ABTB3: variants seen among roughly 807,000 people sequenced by gnomAD.
ABTB3 encodes ankyrin repeat and BTB domain containing 3.
At chr12:107,532,830 C>CAAACT in the ABTB3 span, among the ~76,000 whole-genome samples, 1 of 152,020 alleles carries the variant, frequency 6.6e-6, no homozygotes, top group African/African-American at 2.4e-5. Context: ...GATTTCTCAG[C>CAAACT]AGAAACCTTA....
the ABTB3 span, among the ~76,000 whole-genome samples, chr12:107,633,414 C>G: frequency 1.1e-4 from 16 of 152,318 alleles, no homozygotes; most frequent in Admixed American, 9.1e-4. Flanking sequence ...CCCTAATGGA[C>G]TAAAGCACTA....
At chr12:107,543,338 CAAAAAAAAAAAA>C in the ABTB3 span, among the ~76,000 whole-genome samples, 1 of 78,074 alleles carries the variant, frequency 1.3e-5, no homozygotes, top group Non-Finnish European at 2.5e-5. Context: ...GACTCCATCT[CAAAAAAAAAAAA>C]AAAAAAAAGG....
At chr12:107,626,146 C>T in the ABTB3 span, among the ~76,000 whole-genome samples, 3 of 152,226 alleles carry the variant, frequency 2.0e-5, no homozygotes, top group African/African-American at 7.2e-5. Flanking sequence ...CTCCTCCAGT[C>T]CCAAACTCCC....
At chr12:107,488,762 A>G in the ABTB3 span, among the ~76,000 whole-genome samples, 2 of 152,132 alleles carry the variant, frequency 1.3e-5, no homozygotes, top group African/African-American at 2.4e-5. Context: ...TTGTGCAACC[A>G]TCACCACCAT....
chr12:107,318,716 C>A, the ABTB3 span: 1 of 511,014 alleles, frequency 2.0e-6, no homozygotes, highest in Non-Finnish European at 3.4e-6. Context: ...TTGCGCCCAG[C>A]TCCGGCCCGG....
chr12:107,589,927 T>C, the ABTB3 span, among the ~76,000 whole-genome samples: 1 of 152,252 alleles, frequency 6.6e-6, no homozygotes, highest in Non-Finnish European at 1.5e-5. Context: ...TTTTTCTTTT[T>C]GAGACGGAGT....
chr12:107,381,685 G>A, the ABTB3 span, among the ~76,000 whole-genome samples: 5 of 152,302 alleles, frequency 3.3e-5, no homozygotes, highest in Non-Finnish European at 5.9e-5. Flanking sequence ...CTAAGGGCAG[G>A]GGGAACCATT....
the ABTB3 span, among the ~76,000 whole-genome samples, chr12:107,508,438 C>CTTTTTTTTTTTTTTGTTTTTTTTTTTTTT: frequency 1.4e-5 from 1 of 69,150 alleles, no homozygotes; most frequent in Non-Finnish European, 2.7e-5. Flanking sequence ...AAGATCATTT[C>CTTTTTTTTTTTTTTGTTTTTTTTTTTTTT]TTTTTTTTTT....
the ABTB3 span, among the ~76,000 whole-genome samples, chr12:107,376,067 C>T: frequency 1.3e-5 from 2 of 152,138 alleles, no homozygotes; most frequent in East Asian, 3.9e-4. Context: ...GTTCCTTCTA[C>T]CAGGATGGTG....
the ABTB3 span, among the ~76,000 whole-genome samples, chr12:107,601,198 T>A: frequency 6.6e-6 from 1 of 152,022 alleles, no homozygotes; most frequent in African/African-American, 2.4e-5. Flanking sequence ...CTTAGAGAGT[T>A]TTTTTCACCT....
At chr12:107,624,947 C>A in the ABTB3 span, among the ~76,000 whole-genome samples, 20 of 152,318 alleles carry the variant, frequency 1.3e-4, no homozygotes, top group East Asian at 3.5e-3. Flanking sequence ...TACATTCCCA[C>A]TGGAAAAGAC....
the ABTB3 span, among the ~76,000 whole-genome samples, chr12:107,603,395 T>C: frequency 6.6e-6 from 1 of 152,248 alleles, no homozygotes; most frequent in Non-Finnish European, 1.5e-5. Context: ...TATTATTTAT[T>C]TTGGATGACC....
At chr12:107,381,924 G>A in the ABTB3 span, among the ~76,000 whole-genome samples, 5 of 152,194 alleles carry the variant, frequency 3.3e-5, no homozygotes, top group African/African-American at 7.2e-5. Context: ...CTCTTGGCAT[G>A]TAATAACTAC....
chr12:107,447,422 T>G, the ABTB3 span, among the ~76,000 whole-genome samples: 4 of 152,124 alleles, frequency 2.6e-5, no homozygotes, highest in Non-Finnish European at 2.9e-5. Flanking sequence ...GATTACAGGC[T>G]TGAGCTACCT....
At chr12:107,626,420 A>G in the ABTB3 span, among the ~76,000 whole-genome samples, 1 of 140,738 alleles carries the variant, frequency 7.1e-6, no homozygotes, top group East Asian at 2.1e-4. Flanking sequence ...ATCTCGGCTC[A>G]CTGCAAGCTC....
the ABTB3 span, among the ~76,000 whole-genome samples, chr12:107,325,675 G>A: frequency 5.3e-5 from 8 of 152,172 alleles, no homozygotes; most frequent in Non-Finnish European, 1.5e-5. Flanking sequence ...GAGTCTGTTA[G>A]TATTTGTGAC....
chr12:107,479,976 T>C, the ABTB3 span, among the ~76,000 whole-genome samples: 4 of 152,156 alleles, frequency 2.6e-5, no homozygotes, highest in African/African-American at 4.8e-5. Context: ...TACCCAGAGA[T>C]TGAGAAATAA....
At chr12:107,406,120 G>A in the ABTB3 span, among the ~76,000 whole-genome samples, 4 of 152,196 alleles carry the variant, frequency 2.6e-5, no homozygotes, top group Non-Finnish European at 5.9e-5. Context: ...TTCCTCATCT[G>A]TAAAACAGGC....
At chr12:107,414,322 G>T in the ABTB3 span, among the ~76,000 whole-genome samples, 3 of 152,116 alleles carry the variant, frequency 2.0e-5, no homozygotes, top group Non-Finnish European at 4.4e-5. Flanking sequence ...TCTACAGAAC[G>T]TGATGCTTTA....
Sources: gnomAD v4.1 joint callset for allele counts (sites outside exome capture counted in the v4.1 genomes callset) on GRCh38, gnomAD v4.1.1 for gene constraint, MANE v1.5 for transcripts, NCBI Gene and HGNC (gene_info 2026-07-23, HGNC 2026-07-21) for gene names.